Variants in P2RX5 observed in about 807,000 individuals in gnomAD.
The protein encoded by P2RX5 is purinergic receptor P2X 5.
A neutral mutation model predicts 54.1 loss-of-function variants in P2RX5; 46 were observed. The ratio of observed to expected loss-of-function variants is 0.85; its 90% CI spans 0.67 to 1.09. The LOEUF (loss-of-function observed/expected upper bound fraction) is 1.09. P2RX5 is among the 50% of genes least tolerant of loss of function. The probability of loss-of-function intolerance (pLI) is 0.00; values close to 1 mark genes in which losing one functional copy is unlikely to be tolerated. For missense variants in P2RX5, 566 were observed against 549.8 expected, an observed-to-expected ratio of 1.03 and a Z score of -0.29; for synonymous variants, 226 against 226.4, an observed-to-expected ratio of 1.00 and a Z score of 0.02.
At position 3,696,014 on chromosome 17, in the gene P2RX5, C is replaced by G; in HGVS notation, c.-9G>C. On this transcript the variant is annotated 5_prime_UTR_variant, in exon 1 of 12. Coordinates refer to ENST00000225328, the MANE Select transcript of P2RX5 (RefSeq NM_002561.4). Reference sequence around the variant, plus strand: ...CAGCCCGCCTGCCCCATGGCGCGCTCTCAGCCGGGCTTGCGGACCGCCCGG... The same window carrying G: ...CAGCCCGCCTGCCCCATGGCGCGCTGTCAGCCGGGCTTGCGGACCGCCCGG... The G allele has an allele frequency of 1.2e-6, 2 of 1,613,248 alleles. No individual in the cohort carries two copies. The highest frequency in any genetic ancestry group is 1.7e-6 in the Non-Finnish European group (2 of 1,179,588).
At chr17:3,700,403 C>T (rs761012897), upstream of P2RX5, among the ~76,000 whole-genome samples, 4 of 152,120 alleles carry the variant, frequency 2.6e-5, no homozygotes, top group South Asian at 2.1e-4. Flanking sequence ...CCTGGTGGCA[C>T]GCGCCTATAG....
intron 9 of P2RX5, chr17:3,682,306 AG>A (rs2050306728): frequency 2.5e-6 from 1 of 394,034 alleles, no homozygotes. Flanking sequence ...AAGTACGGAG[AG>A]GATCTGGACA....
intron 9 of P2RX5, among the ~76,000 whole-genome samples, chr17:3,684,440 C>CA (rs1321171686): frequency 6.6e-6 from 1 of 152,192 alleles, no homozygotes; most frequent in African/African-American, 2.4e-5. Context: ...CCCATTTCTA[C>CA]AAAAAATTTA....
At chr17:3,679,540 CCTCTCTGCAGGACCCAGCTGTCGGG>C (rs754584611) in intron 11 of P2RX5, 25 bp downstream of exon 11, 1 of 1,564,826 alleles carries the variant, frequency 6.4e-7, no homozygotes, top group Admixed American at 1.7e-5. Context: ...ACTGGGGACC[CCTCTCTGCAGGACCCAGCTGTCGGG>C]CTCTCTGCCT....
chr17:3,688,194 A>C, intron 8 of P2RX5, 89 bp from the exon 9 acceptor site: 1 of 758,904 alleles, frequency 1.3e-6, no homozygotes, highest in East Asian at 2.7e-5. Flanking sequence ...GGGACTTAGA[A>C]GGACTCCCGG....
intron 9 of P2RX5, among the ~76,000 whole-genome samples, chr17:3,684,517 G>A (rs964826838): frequency 2.6e-5 from 4 of 152,180 alleles, no homozygotes; most frequent in East Asian, 1.9e-4. Flanking sequence ...TGGGAGGATC[G>A]CTTGAGCCCA....
rs1432609132 is a variant in P2RX5 at position 3,688,124 on chromosome 17, AG to A, written c.888-20del. On this transcript the variant is annotated intron_variant, in intron 8 of 11. Coordinates refer to ENST00000225328, the MANE Select transcript of P2RX5 (RefSeq NM_002561.4). ...GGCAAATCTGAGGGAGACAGGGCCCAGGGGAGGCCTCAGCCTGCCTGGCCTT... is the reference window on the plus strand; with the variant it reads ...GGCAAATCTGAGGGAGACAGGGCCCAGGGAGGCCTCAGCCTGCCTGGCCTT... 1.1e-5 allele frequency: 16 copies of A among 1,449,850 alleles called. No individual in the cohort carries two copies. The highest frequency in any genetic ancestry group is 4.2e-5 in the African/African-American group (3 of 71,274). The allele number at this position is 1,449,850 out of a possible 1,614,324, so 89.8% of individuals were successfully genotyped here.
chr17:3,676,204 C>T (rs1407395574), intron 11 of P2RX5: 1 of 985,320 alleles, frequency 1.0e-6, no homozygotes, highest in Admixed American at 6.1e-5. Context: ...AGACAACTCA[C>T]ATACAACGGG....
At chr17:3,691,546 G>T in intron 2 of P2RX5, 98 bp downstream of exon 2, 1 of 1,452,512 alleles carries the variant, frequency 6.9e-7, no homozygotes, top group Non-Finnish European at 9.6e-7. Context: ...AGAGATGATG[G>T]ATGGGGGTCC....
rs766816990 is a variant in P2RX5, at chr17:3,691,667, C to A, written c.265G>T (p.Ala89Ser). The change falls in exon 2 of 12, where the codon GCC (alanine) becomes TCC (serine). Residue 89 changes from alanine (A) to serine (S), a missense_variant. Coordinates refer to ENST00000225328, the MANE Select transcript of P2RX5 (RefSeq NM_002561.4). ...SDLGQRIWDV[A>S]DYVIPAQGEN... is the part of the protein sequence containing the mutation. ...ACCTGGGCTGGAATGACGTAGTCGG[C>A]GACATCCCAGATCCGCTGCCCAAGA... 6.2e-7 allele frequency: 1 copy of A among 1,614,188 alleles called. No individual in the cohort carries two copies. Among genetic ancestry groups the A allele is most frequent in the Admixed American group, 1.7e-5 (1 of 60,034 alleles).
At position 3,679,727 on chromosome 17, in the gene P2RX5, A is replaced by G; in HGVS notation, c.1122T>C (p.Ser374=). 1.2e-6 allele frequency: 2 copies of G among 1,612,528 alleles called. No homozygotes were observed. The highest frequency in any genetic ancestry group is 1.7e-6 in the Non-Finnish European group (2 of 1,179,816). ...AEDEASGLGL[S]EQLTSGPGLL... ...GCCCTGGCCCAGATGTGAGCTGCTC[A>G]GATAGCCCCAGCCCCGATGCCTCGT... is the stretch of plus-strand genomic sequence containing the variant. Residue 374 remains serine (S), a synonymous_variant, in exon 11 of 12, where the codon TCT becomes TCC. Coordinates refer to ENST00000225328, the MANE Select transcript of P2RX5 (RefSeq NM_002561.4).
chr17:3,723,145 GGT>G, the P2RX5 span: 2 of 627,566 alleles, frequency 3.2e-6, no homozygotes, highest in East Asian at 2.9e-5. Flanking sequence ...CTAAGGAACG[GGT>G]TGGGACAGAG....
At chr17:3,695,738 G>A (rs1597277661) in intron 1 of P2RX5, 131 bp downstream of exon 1, 2 of 1,107,280 alleles carry the variant, frequency 1.8e-6, no homozygotes, top group East Asian at 2.4e-5. Context: ...ACAGCAAGCA[G>A]GCTCACAGAC....
At chr17:3,718,253 T>C in the P2RX5 span, 2 of 152,266 alleles carry the variant, frequency 1.3e-5, no homozygotes, top group Non-Finnish European at 2.9e-5. Context: ...GGATGTCTCC[T>C]GGGAGCTTTT....
At chr17:3,708,320 G>T in the P2RX5 span, among the ~76,000 whole-genome samples, 1 of 152,116 alleles carries the variant, frequency 6.6e-6, no homozygotes, top group Middle Eastern at 3.4e-3. Context: ...ACCCTTACTT[G>T]CCCAAAGGCT....
upstream of P2RX5, among the ~76,000 whole-genome samples, chr17:3,700,831 CCT>C (rs1473709827): frequency 6.6e-6 from 1 of 152,156 alleles, no homozygotes; most frequent in Non-Finnish European, 1.5e-5. Context: ...TCCTCTCTCT[CCT>C]GCTGCCTCTC....
intron 9 of P2RX5, chr17:3,685,513 C>G (rs891746): frequency 5.1e-5 from 8 of 155,484 alleles, no homozygotes; most frequent in African/African-American, 1.9e-4. Flanking sequence ...GGAGGTACTC[C>G]CAGCACCCAT....
At chr17:3,680,863 GTCCTCCACCCAGTGTCCTCCACCCTGCA>G (rs2050254170) in intron 10 of P2RX5, among the ~76,000 whole-genome samples, 1 of 110,010 alleles carries the variant, frequency 9.1e-6, no homozygotes, top group Non-Finnish European at 1.8e-5. Context: ...TCCACCCTGA[GTCCTCCACCCAGTGTCCTCCACCCTGCA>G]TCCTCCACCC....
At chr17:3,691,165 C>G in intron 2 of P2RX5, 138 bp from the exon 3 acceptor site, 6 of 688,222 alleles carry the variant, frequency 8.7e-6, no homozygotes, top group Non-Finnish European at 1.6e-5. Flanking sequence ...GTATACTCTG[C>G]CCATCTGCTC....
Sources: allele counts gnomAD v4.1 joint callset (sites outside exome capture counted in the v4.1 genomes callset), GRCh38; gene constraint gnomAD v4.1.1; transcripts MANE v1.5; gene names NCBI Gene and HGNC (gene_info 2026-07-23, HGNC 2026-07-21).